Variants in MATCAP2 observed in about 807,000 individuals in gnomAD.
MATCAP2 encodes the protein microtubule associated tyrosine carboxypeptidase 2.
At chr7:36,367,803 C>T in the MATCAP2 span, among the ~76,000 whole-genome samples, 1 of 152,192 alleles carries the variant, frequency 6.6e-6, no homozygotes, top group Non-Finnish European at 1.5e-5. Flanking sequence ...GTGGCTCATG[C>T]CTGTAATCCT....
the MATCAP2 span, among the ~76,000 whole-genome samples, chr7:36,360,841 A>G: frequency 6.6e-6 from 1 of 152,228 alleles, no homozygotes; most frequent in Non-Finnish European, 1.5e-5. Flanking sequence ...ACATTTTAAA[A>G]GCATAAACAG....
At chr7:36,337,352 G>T in the MATCAP2 span, among the ~76,000 whole-genome samples, 1 of 151,942 alleles carries the variant, frequency 6.6e-6, no homozygotes, top group Non-Finnish European at 1.5e-5. Context: ...AAAATAACTG[G>T]TAAGGAATCA....
chr7:36,379,414 A>G, the MATCAP2 span, among the ~76,000 whole-genome samples: 1 of 152,316 alleles, frequency 6.6e-6, no homozygotes, highest in East Asian at 1.9e-4. Flanking sequence ...CTACGTGTAC[A>G]TAGAGAGTAA....
At chr7:36,332,093 T>C in the MATCAP2 span, among the ~76,000 whole-genome samples, 1 of 152,148 alleles carries the variant, frequency 6.6e-6, no homozygotes, top group Admixed American at 6.5e-5. Context: ...TTCTTTTGTA[T>C]ACATTTGAAA....
chr7:36,342,262 G>A, the MATCAP2 span, among the ~76,000 whole-genome samples: 5 of 149,948 alleles, frequency 3.3e-5, no homozygotes, highest in African/African-American at 1.2e-4. Flanking sequence ...TCACTGCAAC[G>A]TCTGCCTCCT....
chr7:36,335,141 G>A, the MATCAP2 span: 10 of 1,613,662 alleles, frequency 6.2e-6, no homozygotes, highest in South Asian at 1.1e-5. Context: ...TGTCATTGAC[G>A]CTCGGGAAAG....
chr7:36,335,404 A>G, the MATCAP2 span, among the ~76,000 whole-genome samples: 1 of 152,204 alleles, frequency 6.6e-6, no homozygotes, highest in Admixed American at 6.5e-5. Flanking sequence ...GGGAAAGTAG[A>G]TGGCTGTGCT....
the MATCAP2 span, among the ~76,000 whole-genome samples, chr7:36,330,032 C>T: frequency 6.7e-6 from 1 of 148,754 alleles, no homozygotes; most frequent in African/African-American, 2.5e-5. Flanking sequence ...CTCAAGAAAA[C>T]TGTGCCGATC....
At chr7:36,367,054 G>A in the MATCAP2 span, 1 of 1,276,852 alleles carries the variant, frequency 7.8e-7, no homozygotes, top group South Asian at 2.9e-5. Flanking sequence ...CGCGGCGGGA[G>A]GCGGCTCTCC....
At chr7:36,366,956 C>CGGGGCGGCG in the MATCAP2 span, 6 of 1,351,042 alleles carry the variant, frequency 4.4e-6, no homozygotes, top group Non-Finnish European at 5.7e-6. Context: ...CCCCGAGGCC[C>CGGGGCGGCG]GGGGCGGCGG....
chr7:36,352,126 T>C, the MATCAP2 span, among the ~76,000 whole-genome samples: 1 of 152,056 alleles, frequency 6.6e-6, no homozygotes, highest in Non-Finnish European at 1.5e-5. Flanking sequence ...CTGGGCGCAC[T>C]GGCTCATGCC....
chr7:36,374,725 T>A, the MATCAP2 span, among the ~76,000 whole-genome samples: 1 of 152,110 alleles, frequency 6.6e-6, no homozygotes, highest in African/African-American at 2.4e-5. Flanking sequence ...TGTGTGACGT[T>A]CCCCACCTTG....
chr7:36,357,703 A>G, the MATCAP2 span: 2 of 767,500 alleles, frequency 2.6e-6, no homozygotes, highest in South Asian at 4.1e-5. Context: ...ATTTTGCAGT[A>G]ATCATTAGAA....
the MATCAP2 span, chr7:36,389,843 T>G: frequency 8.8e-7 from 1 of 1,135,596 alleles, no homozygotes; most frequent in Admixed American, 2.2e-5. Flanking sequence ...AAATTCAAAT[T>G]TGAACGGCTG....
the MATCAP2 span, chr7:36,366,826 C>T: frequency 6.6e-7 from 1 of 1,520,178 alleles, no homozygotes; most frequent in South Asian, 1.2e-5. Context: ...GCGGCGCGCC[C>T]AGCCGGTGGC....
the MATCAP2 span, chr7:36,357,151 G>C: frequency 6.2e-7 from 1 of 1,614,132 alleles, no homozygotes; most frequent in South Asian, 1.1e-5. Context: ...GGCACCACTT[G>C]ACCTTGCTTT....
the MATCAP2 span, chr7:36,334,095 T>A: frequency 9.5e-5 from 154 of 1,614,178 alleles, 3 homozygotes; most frequent in South Asian, 9.9e-4. Flanking sequence ...TAGCTCATGT[T>A]TTTTACGTCC....
At chr7:36,335,603 A>T in the MATCAP2 span, among the ~76,000 whole-genome samples, 2 of 152,260 alleles carry the variant, frequency 1.3e-5, no homozygotes, top group Non-Finnish European at 2.9e-5. Context: ...AGCAATTTTC[A>T]TAAAGTAATT....
chr7:36,386,539 C>A, the MATCAP2 span, among the ~76,000 whole-genome samples: 1 of 151,218 alleles, frequency 6.6e-6, no homozygotes, highest in Non-Finnish European at 1.5e-5. Flanking sequence ...AAGCCACAAA[C>A]CAAAAAATTG....
Sources: gnomAD v4.1 joint callset for allele counts (sites outside exome capture counted in the v4.1 genomes callset) on GRCh38, gnomAD v4.1.1 for gene constraint, MANE v1.5 for transcripts, NCBI Gene and HGNC (gene_info 2026-07-23, HGNC 2026-07-21) for gene names.